The following EXOC6 variants were observed in gnomAD, a reference collection of about 807,000 sequenced individuals.
The protein encoded by EXOC6 is exocyst complex component 6.
In EXOC6, 60 loss-of-function variants were observed where a neutral mutation model predicts 112.5. That is an observed-to-expected ratio of 0.53 (90% CI 0.43 to 0.66). The LOEUF (loss-of-function observed/expected upper bound fraction) is 0.66, where lower values mean the gene tolerates loss of function less well. EXOC6 is among the 30% of genes least tolerant of loss of function. The probability of loss-of-function intolerance (pLI) is 0.00; values close to 1 mark genes in which losing one functional copy is unlikely to be tolerated. For missense variants in EXOC6, 855 were observed against 957.1 expected (o/e 0.89, Z 1.41); for synonymous variants, 295 against 308.0 (o/e 0.96, Z 0.44).
upstream of EXOC6, among the ~76,000 whole-genome samples, chr10:92,829,753 T>C (rs1046797893): frequency 6.6e-6 from 1 of 152,186 alleles, no homozygotes; most frequent in Non-Finnish European, 1.5e-5. Context: ...TGGCACAAGA[T>C]ACAGGTCACA....
Position 92,974,243 on chromosome 10 carries a change from A to G in EXOC6, c.1953+11A>G. 15 of 1,515,838 alleles carry G rather than the reference A, an allele frequency of 9.9e-6. No homozygotes were observed. Among genetic ancestry groups the G allele is most frequent in the Non-Finnish European group, 1.1e-5 (13 of 1,139,314 alleles). 93.9% of individuals were successfully genotyped at this position (1,515,838 alleles called of 1,614,324 possible). The stretch of plus-strand genomic sequence containing the variant: ...TTTACTCATTTGCCTGTAAGTATAA[A>G]AATTTTCAAAAATTGTTTTATGTTT... On this transcript the variant is annotated intron_variant, in intron 18 of 21. Transcript: ENST00000260762.
upstream of EXOC6, among the ~76,000 whole-genome samples, chr10:92,846,184 C>T (rs1271605081): frequency 2.0e-5 from 3 of 152,178 alleles, no homozygotes; most frequent in African/African-American, 7.2e-5. Flanking sequence ...ACAGGGCTGG[C>T]CTGAGGAGTG....
At chr10:92,983,766 C>T (rs1392061768) in intron 18 of EXOC6, among the ~76,000 whole-genome samples, 1 of 152,058 alleles carries the variant, frequency 6.6e-6, no homozygotes, top group Non-Finnish European at 1.5e-5. Context: ...ACTGGCCTCC[C>T]AAAGTGATAG....
intron 13 of EXOC6, among the ~76,000 whole-genome samples, chr10:92,943,183 T>C (rs752558060): frequency 5.9e-5 from 9 of 152,170 alleles, no homozygotes; most frequent in Non-Finnish European, 1.0e-4. Flanking sequence ...CACGCCCGGC[T>C]AATTTTTTGT....
intron 1 of EXOC6, among the ~76,000 whole-genome samples, chr10:92,871,819 T>A (rs557747661): frequency 2.1e-4 from 32 of 151,918 alleles, no homozygotes; most frequent in Non-Finnish European, 3.1e-4. Context: ...AAAAAATAAA[T>A]AAAATAATAA....
Position 92,848,770 on chromosome 10 carries a change from C to G in EXOC6, c.101+136C>G, listed in dbSNP as rs879467185. The G allele has an allele frequency of 2.2e-4, 134 of 616,440 alleles. 1 individual carries two copies. Among genetic ancestry groups the G allele is most frequent in the Non-Finnish European group, 2.4e-4 (111 of 466,022 alleles). 38.2% of individuals were successfully genotyped at this position (616,440 alleles called of 1,614,324 possible). On this transcript the variant is annotated intron_variant, in intron 1 of 21. Coordinates refer to ENST00000260762, the MANE Select transcript of EXOC6 (RefSeq NM_019053.6). ...GTGCGCGCGGGGGCGGGCGGGGGCG[C>G]TCGCGGGTGGCGGAACTCTAGCCGG...
intron 18 of EXOC6, among the ~76,000 whole-genome samples, chr10:92,974,711 G>A (rs1191194010): frequency 2.0e-5 from 3 of 152,202 alleles, no homozygotes; most frequent in South Asian, 2.1e-4. Context: ...GATTGCAGGC[G>A]CACGCCACCA....
intron 12 of EXOC6, among the ~76,000 whole-genome samples, chr10:92,938,225 T>C (rs1852460840): frequency 6.6e-6 from 1 of 152,120 alleles, no homozygotes; most frequent in South Asian, 2.1e-4. Flanking sequence ...ACAATGATAG[T>C]TACATAAACC....
chr10:93,007,191 T>C (rs554212246), intron 19 of EXOC6, among the ~76,000 whole-genome samples: 44 of 152,358 alleles, frequency 2.9e-4, no homozygotes, highest in South Asian at 4.1e-4. Context: ...TAAATACTTA[T>C]GGCCTGACAT....
At chr10:92,922,538 T>A (rs1010209159) in intron 8 of EXOC6, among the ~76,000 whole-genome samples, 1 of 152,212 alleles carries the variant, frequency 6.6e-6, no homozygotes. Flanking sequence ...AAGTCTACTT[T>A]AGCCAAAAAA....
chr10:92,992,287 CAAAAAAAAAA>C (rs35924745), intron 18 of EXOC6, among the ~76,000 whole-genome samples: 3 of 74,238 alleles, frequency 4.0e-5, no homozygotes, highest in Non-Finnish European at 7.4e-5. Context: ...GACTCTGTCT[CAAAAAAAAAA>C]AAAAAAAAAA....
At chr10:92,955,750 T>G (rs1792316356) in intron 17 of EXOC6, 36 bp downstream of exon 17, 1 of 1,592,538 alleles carries the variant, frequency 6.3e-7, no homozygotes, top group Non-Finnish European at 8.5e-7. Flanking sequence ...TTCATTTCAG[T>G]CACTGTAAGC....
At chr10:92,838,374 C>T (rs1846728097) in intron 1 of EXOC6, among the ~76,000 whole-genome samples, 1 of 152,220 alleles carries the variant, frequency 6.6e-6, no homozygotes, top group Non-Finnish European at 1.5e-5. Flanking sequence ...AGCTCGTTTC[C>T]TGCCTGACTT....
intron 4 of EXOC6, among the ~76,000 whole-genome samples, chr10:92,897,511 G>A (rs1849889920): frequency 6.6e-6 from 1 of 152,172 alleles, no homozygotes; most frequent in African/African-American, 2.4e-5. Flanking sequence ...TGGGAACTGT[G>A]TCAGGCAAAC....
At chr10:92,909,396 T>C in intron 5 of EXOC6, 31 bp from the exon 6 acceptor site, 1 of 1,482,858 alleles carries the variant, frequency 6.7e-7, no homozygotes. Context: ...TAAGAACTTT[T>C]TATAGAGTTT....
At chr10:93,035,994 G>A (rs1257476858) in intron 20 of EXOC6, among the ~76,000 whole-genome samples, 3 of 152,202 alleles carry the variant, frequency 2.0e-5, no homozygotes, top group Non-Finnish European at 4.4e-5. Flanking sequence ...GCCGAGGCGG[G>A]CAGATCACCG....
chr10:92,972,206 C>T (rs1390453656), intron 17 of EXOC6, among the ~76,000 whole-genome samples: 2 of 152,216 alleles, frequency 1.3e-5, no homozygotes, highest in African/African-American at 4.8e-5. Flanking sequence ...CCTGCTTGCA[C>T]ATGATACCAG....
At chr10:93,032,080 C>A (rs2134295961) in intron 20 of EXOC6, among the ~76,000 whole-genome samples, 1 of 152,256 alleles carries the variant, frequency 6.6e-6, no homozygotes, top group African/African-American at 2.4e-5. Context: ...TTTTTTCCCC[C>A]CTTAGCCTTC....
upstream of EXOC6, among the ~76,000 whole-genome samples, chr10:92,830,605 T>A (rs981460815): frequency 6.6e-6 from 1 of 152,026 alleles, no homozygotes; most frequent in Admixed American, 6.5e-5. Context: ...GTGCTGTGCA[T>A]TGTAGGTTGT....
Sources: allele counts gnomAD v4.1 joint callset (sites outside exome capture counted in the v4.1 genomes callset), GRCh38; gene constraint gnomAD v4.1.1; transcripts MANE v1.5; gene names NCBI Gene and HGNC (gene_info 2026-07-23, HGNC 2026-07-21).